Variants in PNPLA1 observed in about 807,000 individuals in gnomAD.
The protein encoded by PNPLA1 is patatin like domain 1, omega-hydroxyceramide transacylase.
A neutral mutation model predicts 51.7 loss-of-function variants in PNPLA1; 36 were observed. The observed-to-expected ratio is 0.70, with a 90% CI of 0.53 to 0.92. The LOEUF (loss-of-function observed/expected upper bound fraction) is 0.92, where lower values mean the gene tolerates loss of function less well. Ranked by LOEUF, PNPLA1 falls within the 40% of genes least tolerant of loss-of-function variation. PNPLA1 has a pLI of 0.00. For missense variants in PNPLA1, 658 were observed against 682.5 expected (o/e 0.96, Z 0.40); for synonymous variants, 293 against 280.1 (o/e 1.05, Z -0.46).
chr6:36,244,874 T>G (rs1488294334), intron 1 of PNPLA1, among the ~76,000 whole-genome samples: 2 of 152,210 alleles, frequency 1.3e-5, no homozygotes, highest in Non-Finnish European at 2.9e-5. Flanking sequence ...AGGCATTTAC[T>G]GCAGGGTGCC....
At chr6:36,273,048 C>T (rs1561855015) in intron 1 of PNPLA1, among the ~76,000 whole-genome samples, 1 of 151,578 alleles carries the variant, frequency 6.6e-6, no homozygotes, top group African/African-American at 2.4e-5. Context: ...GGTTCAAGAC[C>T]AGCCTGGCCA....
rs1466934167 is a variant in PNPLA1 at position 36,313,394 on chromosome 6, C to A, written c.*1508C>A. ...TGCCCACAGGCCTCAGGTACATTTG[C>A]TTACCAAATCCTGAAATGCAAAACC... On this transcript the variant is annotated 3_prime_UTR_variant, in exon 9 of 9. Transcript: ENST00000636260. 6.6e-6 allele frequency among the ~76,000 whole-genome samples: 1 copy of A among 152,162 alleles called. No homozygotes were observed. The highest frequency in any genetic ancestry group is 6.5e-5 in the Admixed American group (1 of 15,278).
chr6:36,288,040 C>T (rs1027659284), intron 1 of PNPLA1, among the ~76,000 whole-genome samples: 1 of 152,176 alleles, frequency 6.6e-6, no homozygotes, highest in African/African-American at 2.4e-5. Flanking sequence ...AACCCTACCC[C>T]TGAATAGGTG....
intron 8 of PNPLA1, among the ~76,000 whole-genome samples, chr6:36,310,966 G>C (rs1041985102): frequency 2.6e-5 from 4 of 152,250 alleles, no homozygotes; most frequent in African/African-American, 9.6e-5. Context: ...GCCCAGGCCT[G>C]TGTGGGACAT....
intron 1 of PNPLA1, among the ~76,000 whole-genome samples, chr6:36,287,561 G>A (rs1770533966): frequency 1.3e-5 from 2 of 152,154 alleles, no homozygotes; most frequent in South Asian, 4.1e-4. Context: ...GGAAAATATG[G>A]TAATACATAA....
rs1306905868 is a variant in PNPLA1 at position 36,245,353 on chromosome 6, CCAAGTATTTTGTGACTCTAACTT to C, written c.-81+2094_-81+2116del. Among the ~76,000 whole-genome samples the C allele has an allele frequency of 2.0e-5, 3 of 152,318 alleles. No homozygotes were observed. In the East Asian group the frequency reaches 5.8e-4, roughly 29 times the overall value. On this transcript the variant is annotated intron_variant, in intron 1 of 7. Transcript: ENST00000312917. ...TGTTATCTTAAGTTTCAATAGGGAA[CCAAGTATTTTGTGACTCTAACTT>C]CCTTGGCTATTTTTTTTGAAAAGCT...
At chr6:36,277,362 C>T (rs1770137220) in intron 1 of PNPLA1, among the ~76,000 whole-genome samples, 1 of 152,212 alleles carries the variant, frequency 6.6e-6, no homozygotes, top group South Asian at 2.1e-4. Flanking sequence ...CACATGGTCA[C>T]ACCTGACTGC....
chr6:36,281,573 C>T (rs1770283815), intron 1 of PNPLA1, among the ~76,000 whole-genome samples: 1 of 152,154 alleles, frequency 6.6e-6, no homozygotes, highest in African/African-American at 2.4e-5. Context: ...ATAATTTTCC[C>T]AGGTTTATAC....
intron 5 of PNPLA1, 91 bp downstream of exon 5, chr6:36,295,515 C>G (rs1317988262): frequency 1.4e-6 from 2 of 1,390,168 alleles, no homozygotes; most frequent in Admixed American, 3.5e-5. Flanking sequence ...GTATTCCCCC[C>G]AGATTTGTGA....
At chr6:36,252,832 T>G (rs572144508) in intron 1 of PNPLA1, among the ~76,000 whole-genome samples, 83 of 152,362 alleles carry the variant, frequency 5.4e-4, no homozygotes, top group African/African-American at 1.9e-3. Context: ...AAAAAATCTT[T>G]GCCTTGCAAT....
chr6:36,262,617 G>A (rs139997165), intron 1 of PNPLA1, among the ~76,000 whole-genome samples: 4 of 152,204 alleles, frequency 2.6e-5, no homozygotes, highest in African/African-American at 9.6e-5. Context: ...CATCCTCAGC[G>A]GTTTTATTTC....
At chr6:36,287,520 G>A (rs972021534) in intron 1 of PNPLA1, among the ~76,000 whole-genome samples, 7 of 152,152 alleles carry the variant, frequency 4.6e-5, no homozygotes, top group African/African-American at 1.4e-4. Context: ...CCTGCAGCTC[G>A]GAAGGAGGCC....
chr6:36,246,509 G>A (rs970937449), intron 1 of PNPLA1, among the ~76,000 whole-genome samples: 1 of 152,120 alleles, frequency 6.6e-6, no homozygotes, highest in Non-Finnish European at 1.5e-5. Context: ...GCCAGATCCC[G>A]TGTCCTTAAC....
At chr6:36,286,494 AGTT>A (rs1282186265) in intron 1 of PNPLA1, among the ~76,000 whole-genome samples, 1 of 152,080 alleles carries the variant, frequency 6.6e-6, no homozygotes, top group Non-Finnish European at 1.5e-5. Flanking sequence ...CACATGCTGT[AGTT>A]CCAGCTACTC....
rs748215011 is a variant in PNPLA1, at chr6:36,294,546, C to T, written c.714+147C>T. The T allele has an allele frequency of 1.4e-6, 1 of 713,424 alleles. No individual in the cohort carries two copies. Among genetic ancestry groups the T allele is most frequent in the Non-Finnish European group, 2.3e-6 (1 of 434,008 alleles). 44.2% of individuals were successfully genotyped at this position (713,424 alleles called of 1,614,324 possible). A position where few individuals can be genotyped will look rare whatever the true frequency, so the allele number is the denominator to read the frequency against. On this transcript the variant is annotated intron_variant, in intron 4 of 8. Transcript: ENST00000636260. This position sits in a 1 kb window ranked among gnomAD's most constrained non-coding sequence, Gnocchi z 4.2. ...ACTTCCTCCTAGACCTGCATCCTGG[C>T]CTTGCTGCTAACTAGCTATGTGACC...
At chr6:36,285,248 G>A (rs998456753) in intron 1 of PNPLA1, among the ~76,000 whole-genome samples, 10 of 152,166 alleles carry the variant, frequency 6.6e-5, no homozygotes, top group African/African-American at 1.9e-4. Flanking sequence ...AGGGGCTGCT[G>A]CGCCCCCTGC....
In PNPLA1 at chr6:36,302,048, G is replaced by A. The variant is rs1561871168; in HGVS notation, c.963G>A (p.Arg321=). 3 of 1,614,182 alleles carry A rather than the reference G, an allele frequency of 1.9e-6. No individual in the cohort carries two copies. Among genetic ancestry groups the A allele is most frequent in the Non-Finnish European group, 2.5e-6 (3 of 1,180,036 alleles). The part of the protein sequence containing the change: ...HKEWVPKGDG[R]GSHGPPVSQP... ...AGTGGGTTCCCAAAGGGGATGGAAG[G>A]GGCAGCCATGGTCCGCCTGTGTCCC... The change falls in exon 6 of 9, where the codon AGG becomes AGA. Residue 321 remains arginine (R), a synonymous_variant. Coordinates refer to ENST00000636260, the MANE Select transcript of PNPLA1 (RefSeq NM_001374623.1).
chr6:36,262,955 A>AGGAGTCC (rs1393080605), intron 1 of PNPLA1, among the ~76,000 whole-genome samples: 1 of 152,204 alleles, frequency 6.6e-6, no homozygotes, highest in Non-Finnish European at 1.5e-5. Flanking sequence ...TCCTATGAGT[A>AGGAGTCC]TTTCTGTAGG....
rs1283191561 is a variant in PNPLA1, at chr6:36,313,071, C to A, written c.*1185C>A. 6.6e-6 allele frequency among the ~76,000 whole-genome samples: 1 copy of A among 152,142 alleles called. No homozygotes were observed. Among genetic ancestry groups the A allele is most frequent in the Non-Finnish European group, 1.5e-5 (1 of 68,016 alleles). On this transcript the variant is annotated 3_prime_UTR_variant, in exon 9 of 9. Coordinates refer to ENST00000636260, the MANE Select transcript of PNPLA1 (RefSeq NM_001374623.1). ...GAATCGCTGGCTGAATTTGGTCAGG[C>A]AGCCCAGGCATTGAGATCTTTAGAG... is the stretch of plus-strand genomic sequence containing the variant.
Sources: allele counts gnomAD v4.1 joint callset (sites outside exome capture counted in the v4.1 genomes callset), GRCh38; gene constraint gnomAD v4.1.1; non-coding constraint Gnocchi (gnomAD v3.1); transcripts MANE v1.5; gene names NCBI Gene and HGNC (gene_info 2026-07-23, HGNC 2026-07-21).